STAC: variants seen among roughly 807,000 people sequenced by gnomAD.
STAC encodes the protein SH3 and cysteine rich domain, also known as SH3 and cysteine-rich domain-containing protein.
In STAC, 43 loss-of-function variants were observed where a neutral mutation model predicts 48.8. That is an observed-to-expected ratio of 0.88 (90% CI 0.69 to 1.14). The LOEUF (loss-of-function observed/expected upper bound fraction) is 1.14. Among genes scored for constraint, STAC ranks in the 50% most tolerant of loss-of-function variants. The pLI is 0.00. For synonymous variants in STAC, 193 were observed against 179.5 expected (o/e 1.07, Z -0.60); for missense variants, 497 against 504.0 (o/e 0.99, Z 0.13).
intron 1 of STAC, among the ~76,000 whole-genome samples, chr3:36,413,287 CATT>C (rs1388173309): frequency 6.6e-6 from 1 of 152,154 alleles, no homozygotes; most frequent in African/African-American, 2.4e-5. Context: ...TTAAGTCTCC[CATT>C]ATTATTGTGT....
chr3:36,452,993 G>A (rs1051691696), intron 2 of STAC, among the ~76,000 whole-genome samples: 10 of 152,180 alleles, frequency 6.6e-5, no homozygotes, highest in Admixed American at 2.6e-4. Flanking sequence ...TGATCAGACC[G>A]GAATGTCCTA....
intron 10 of STAC, among the ~76,000 whole-genome samples, chr3:36,536,232 A>C (rs1699195449): frequency 1.3e-5 from 2 of 152,076 alleles, no homozygotes; most frequent in Non-Finnish European, 2.9e-5. Context: ...TCACAGAATT[A>C]GAAAAAAAAA....
intron 2 of STAC, among the ~76,000 whole-genome samples, chr3:36,445,533 G>T (rs1171517569): frequency 6.6e-6 from 1 of 152,124 alleles, no homozygotes; most frequent in African/African-American, 2.4e-5. Flanking sequence ...TGGAGATGAA[G>T]TAGGGGCTGG....
At chr3:36,431,531 G>T (rs1321916741) in intron 1 of STAC, among the ~76,000 whole-genome samples, 1 of 152,172 alleles carries the variant, frequency 6.6e-6, no homozygotes, top group Admixed American at 6.5e-5. Context: ...CCAGATCTGA[G>T]GAGCGTGCTC....
At chr3:36,491,556 T>C (rs1473108215) in intron 5 of STAC, among the ~76,000 whole-genome samples, 1 of 152,116 alleles carries the variant, frequency 6.6e-6, no homozygotes, top group Non-Finnish European at 1.5e-5. Context: ...TTCTTCTTTC[T>C]GCTGTGTCAT....
chr3:36,431,031 T>C (rs73063813), intron 1 of STAC, among the ~76,000 whole-genome samples: 3,537 of 152,276 alleles, frequency 0.023, 60 homozygotes, highest in East Asian at 0.026. Flanking sequence ...ATTTGCACGG[T>C]ATTATGAGAA....
intron 8 of STAC, among the ~76,000 whole-genome samples, chr3:36,521,304 A>C (rs1162660686): frequency 6.6e-6 from 1 of 152,148 alleles, no homozygotes; most frequent in Non-Finnish European, 1.5e-5. Flanking sequence ...TGCAAGAGGC[A>C]GCTTGATTTA....
At chr3:36,503,537 G>A (rs1466554363) in intron 6 of STAC, among the ~76,000 whole-genome samples, 1 of 152,034 alleles carries the variant, frequency 6.6e-6, no homozygotes, top group African/African-American at 2.4e-5. Context: ...AGGCTTAAGC[G>A]ATTCTCTTGT....
At chr3:36,426,653 T>C (rs569763287) in intron 1 of STAC, among the ~76,000 whole-genome samples, 1 of 152,324 alleles carries the variant, frequency 6.6e-6, no homozygotes, top group South Asian at 2.1e-4. Context: ...TCTCCAGACG[T>C]GACTTAGAAG....
In STAC at chr3:36,546,547, C is replaced by A. The variant is rs751000102; in HGVS notation, c.*258C>A. 17 of 542,822 alleles carry A rather than the reference C, an allele frequency of 3.1e-5. No individual in the cohort carries two copies. The highest frequency in any genetic ancestry group is 4.3e-5 in the Non-Finnish European group (13 of 304,096). 33.6% of individuals were successfully genotyped at this position (542,822 alleles called of 1,614,324 possible). A position where few individuals can be genotyped will look rare whatever the true frequency, so the allele number is the denominator to read the frequency against. ...AGCCAGATGCCATGCTTGGCAGCAGCAGTAGGACTATAAACCACAGCTGTC... is the reference window on the plus strand; with the variant it reads ...AGCCAGATGCCATGCTTGGCAGCAGAAGTAGGACTATAAACCACAGCTGTC... On this transcript the variant is annotated 3_prime_UTR_variant, in exon 11 of 11. Transcript: ENST00000273183.
intron 2 of STAC, among the ~76,000 whole-genome samples, chr3:36,471,541 T>A (rs778303307): frequency 9.2e-5 from 14 of 152,224 alleles, no homozygotes; most frequent in Non-Finnish European, 1.6e-4. Flanking sequence ...CTTCCGCCTA[T>A]GAGCCTGTAA....
At chr3:36,413,691 T>C (rs1286541612) in intron 1 of STAC, among the ~76,000 whole-genome samples, 1 of 152,166 alleles carries the variant, frequency 6.6e-6, no homozygotes. Flanking sequence ...GTTAATATTG[T>C]TATGTGTGAA....
chr3:36,529,890 G>T (rs1699023646), intron 10 of STAC, among the ~76,000 whole-genome samples: 1 of 152,106 alleles, frequency 6.6e-6, no homozygotes, highest in South Asian at 2.1e-4. Flanking sequence ...GGGAGGCCGA[G>T]GAGGGCAGAT....
chr3:36,388,802 A>C (rs879638840), intron 1 of STAC, among the ~76,000 whole-genome samples: 2 of 151,966 alleles, frequency 1.3e-5, no homozygotes, highest in Non-Finnish European at 2.9e-5. Flanking sequence ...TCTCTTTTAG[A>C]GTTATCTGTC....
intron 5 of STAC, among the ~76,000 whole-genome samples, chr3:36,487,149 T>C (rs77025583): frequency 0.017 from 2,663 of 152,330 alleles, 21 homozygotes; most frequent in Non-Finnish European, 0.021. Flanking sequence ...TCTCAGAGAC[T>C]GAGTTGAAGC....
At chr3:36,526,621 T>C (rs371145389) in intron 8 of STAC, among the ~76,000 whole-genome samples, 1 of 152,138 alleles carries the variant, frequency 6.6e-6, no homozygotes, top group African/African-American at 2.4e-5. Flanking sequence ...ACTGTGACAA[T>C]ACATAAGTGA....
intron 1 of STAC, among the ~76,000 whole-genome samples, chr3:36,406,647 C>T (rs1700093401): frequency 1.3e-5 from 2 of 152,258 alleles, no homozygotes; most frequent in African/African-American, 4.8e-5. Context: ...AAGCTACAGT[C>T]TGCAGGAGAA....
At chr3:36,512,676 G>C (rs939712975) in intron 8 of STAC, among the ~76,000 whole-genome samples, 1 of 152,164 alleles carries the variant, frequency 6.6e-6, no homozygotes, top group Non-Finnish European at 1.5e-5. Context: ...GTCTGGTCAC[G>C]AATGAAACGT....
intron 8 of STAC, among the ~76,000 whole-genome samples, chr3:36,515,676 CAGAGT>C (rs141614440): frequency 0.11 from 17,284 of 152,094 alleles, 1,162 homozygotes; most frequent in Non-Finnish European, 0.15. Flanking sequence ...TGAATAAACA[CAGAGT>C]AGAGGAAGCA....
Sources: gnomAD v4.1 joint callset for allele counts (sites outside exome capture counted in the v4.1 genomes callset) on GRCh38, gnomAD v4.1.1 for gene constraint, MANE v1.5 for transcripts, NCBI Gene and HGNC (gene_info 2026-07-23, HGNC 2026-07-21) for gene names.